Variants in CUBN observed in about 807,000 individuals in gnomAD.
CUBN encodes the protein cubilin, also known as 460 kDa receptor.
A neutral mutation model predicts 405.3 loss-of-function variants in CUBN; 282 were observed. The observed-to-expected ratio is 0.70, with a 90% CI of 0.63 to 0.77. The LOEUF is 0.77. CUBN is among the 30% of genes least tolerant of loss of function. The pLI, the probability that CUBN is intolerant of heterozygous loss-of-function variation, is 0.00. For synonymous variants in CUBN, 1,684 were observed against 1,617.0 expected (o/e 1.04, Z -0.99); for missense variants, 4,514 against 4,475.2 (o/e 1.01, Z -0.25).
chr10:16,895,072 T>C (rs543100800), intron 54 of CUBN, among the ~76,000 whole-genome samples: 1 of 152,278 alleles, frequency 6.6e-6, no homozygotes, highest in South Asian at 2.1e-4. Flanking sequence ...GTTACTTACA[T>C]TTTGGCCTGT....
At chr10:17,068,012 C>G (rs1169548797) in intron 21 of CUBN, 52 bp downstream of exon 21, 1 of 1,412,732 alleles carries the variant, frequency 7.1e-7, no homozygotes, top group Non-Finnish European at 1.0e-6. Context: ...TTCACTGAAG[C>G]AGGAAATCAG....
In CUBN at chr10:16,824,188, A is replaced by G. The variant is rs891789909; in HGVS notation, c.*787T>C. The G allele has an allele frequency of 5.3e-5, 8 of 152,196 alleles. No individual in the cohort carries two copies. Among genetic ancestry groups the G allele is most frequent in the African/African-American group, 1.9e-4 (8 of 41,420 alleles). The allele number at this position is 152,196 out of a possible 1,614,324, so 9.4% of individuals were successfully genotyped here. On this transcript the variant is annotated 3_prime_UTR_variant, in exon 67 of 67. Coordinates refer to ENST00000377833, the MANE Select transcript of CUBN (RefSeq NM_001081.4). ...CTGCTTCAACCTCCTGTGTAGCTGG[A>G]ACCACGGGTGCATGCCACCATGCCT...
chr10:16,853,095 AC>A (rs1379716051), intron 59 of CUBN, among the ~76,000 whole-genome samples: 25 of 152,252 alleles, frequency 1.6e-4, no homozygotes, highest in African/African-American at 4.8e-4. Flanking sequence ...ATACAAAAAA[AC>A]AATCCTCAGA....
chr10:17,073,111 C>T (rs955838294), intron 17 of CUBN, among the ~76,000 whole-genome samples: 5 of 151,992 alleles, frequency 3.3e-5, no homozygotes, highest in Admixed American at 2.6e-4. Flanking sequence ...TTTGTTAGAA[C>T]GCTGTTACCA....
rs1588645661 is a variant in CUBN at position 16,914,940 on chromosome 10, T to A, written c.7351+92A>T. ...CAAGAAAATAGGGGTCATGTTTTGT[T>A]TTGTTTTTCAAATATTTTAACACTG... On this transcript the variant is annotated intron_variant, in intron 47 of 66. Transcript: ENST00000377833. 3 of 1,180,512 alleles carry A rather than the reference T, an allele frequency of 2.5e-6. No homozygotes were observed. The East Asian group carries it at 7.5e-5, about 29-fold the overall frequency. The allele number at this position is 1,180,512 out of a possible 1,614,324, so 73.1% of individuals were successfully genotyped here.
Position 16,933,078 on chromosome 10 carries a change from T to C in CUBN, c.6124+9A>G, listed in dbSNP as rs370241555. The stretch of plus-strand genomic sequence containing the variant: ...GGTTGAAACTCAGCATTCTTTATAA[T>C]GTTCTCACCATCTCGTATCACAAGG... On this transcript the variant is annotated intron_variant, in intron 40 of 66. Coordinates refer to ENST00000377833, the MANE Select transcript of CUBN (RefSeq NM_001081.4). The C allele has an allele frequency of 1.9e-6, 3 of 1,613,050 alleles. No homozygotes were observed. The highest frequency in any genetic ancestry group is 1.7e-5 in the Admixed American group (1 of 60,002).
chr10:17,106,834 G>T (rs751957668), intron 10 of CUBN, among the ~76,000 whole-genome samples: 1 of 152,200 alleles, frequency 6.6e-6, no homozygotes, highest in Non-Finnish European at 1.5e-5. Context: ...CAGATTGCAT[G>T]CTGCCAGTTT....
At chr10:17,046,624 G>A (rs1835140073) in intron 23 of CUBN, among the ~76,000 whole-genome samples, 1 of 152,026 alleles carries the variant, frequency 6.6e-6, no homozygotes, top group South Asian at 2.1e-4. Context: ...CAACAAAAAA[G>A]GGATTTATTC....
chr10:16,918,638 C>T lies in CUBN; in HGVS notation c.6984G>A (p.Lys2328=), dbSNP rs753540166. The part of the protein sequence containing the change: ...SDNSPTHVGF[K]AKYSIAQCGG... The stretch of plus-strand genomic sequence containing the variant: ...AATTATTACCTATAGAATACTTGGC[C>T]TTGAATCCCACATGTGTGGGGCTGT... The change falls in exon 45 of 67, where the codon AAG becomes AAA. Residue 2328 remains lysine (K), a synonymous_variant. Transcript: ENST00000377833. 6.2e-7 allele frequency: 1 copy of T among 1,613,598 alleles called. No homozygotes were observed. Among genetic ancestry groups the T allele is most frequent in the African/African-American group, 1.3e-5 (1 of 74,910 alleles).
intron 22 of CUBN, among the ~76,000 whole-genome samples, chr10:17,050,805 T>C (rs187107361): frequency 1.3e-5 from 2 of 152,092 alleles, no homozygotes; most frequent in Non-Finnish European, 2.9e-5. Context: ...GCAGGAATCA[T>C]AGAAGTTGGA....
intron 6 of CUBN, among the ~76,000 whole-genome samples, chr10:17,117,390 T>C (rs1836929489): frequency 6.6e-6 from 1 of 152,168 alleles, no homozygotes; most frequent in Non-Finnish European, 1.5e-5. Context: ...TTTTGTTTTT[T>C]TTGAGATGGA....
At chr10:16,979,347 A>G (rs1833195568) in intron 31 of CUBN, among the ~76,000 whole-genome samples, 2 of 152,144 alleles carry the variant, frequency 1.3e-5, no homozygotes, top group Admixed American at 6.5e-5. Context: ...AAAACTCTAA[A>G]TTTCATGTGG....
chr10:16,914,806 A>G (rs1324632044), intron 47 of CUBN, among the ~76,000 whole-genome samples: 2 of 152,202 alleles, frequency 1.3e-5, no homozygotes, highest in Admixed American at 6.5e-5. Context: ...GCATTACAGT[A>G]TAACTCTCAT....
chr10:16,864,831 G>C (rs958431544), intron 59 of CUBN, among the ~76,000 whole-genome samples: 14 of 146,930 alleles, frequency 9.5e-5, no homozygotes, highest in African/African-American at 3.5e-4. Context: ...TGTATTTTTA[G>C]TAGAGACAGG....
At chr10:16,841,150 T>C (rs773892841) in intron 60 of CUBN, 103 bp from the exon 61 acceptor site, 2 of 923,406 alleles carry the variant, frequency 2.2e-6, no homozygotes, top group Non-Finnish European at 3.4e-6. Context: ...TAAACATTTT[T>C]ACATTGATTT....
chr10:16,947,873 G>T (rs570891271), intron 35 of CUBN, among the ~76,000 whole-genome samples: 2 of 152,162 alleles, frequency 1.3e-5, no homozygotes, highest in Non-Finnish European at 2.9e-5. Context: ...GTAGCTCCTC[G>T]TTCCTCTCCT....
rs776555961 is a variant in CUBN at position 16,840,381 on chromosome 10, C to T, written c.9981G>A (p.Leu3327=). ...AATTCTGCGTGCAGTCTTGCGAGGT[C>T]AGCTGTAATGCCCACACAGTTATCT... ...QVKITVWALQ[L]TSQDCTQNYL... Residue 3327 remains leucine, a synonymous_variant, in exon 62 of 67, where the codon CTG becomes CTA. Transcript: ENST00000377833. The T allele has an allele frequency of 1.1e-5, 18 of 1,614,102 alleles. 1 individual carries two copies. The East Asian group carries it at 3.8e-4, about 34-fold the overall frequency.
chr10:17,074,306 T>TGTG (rs1287143949), intron 17 of CUBN, among the ~76,000 whole-genome samples: 2 of 152,114 alleles, frequency 1.3e-5, no homozygotes, highest in Non-Finnish European at 2.9e-5. Context: ...ATTTGGGAAA[T>TGTG]GTGTGAGAGT....
intron 31 of CUBN, among the ~76,000 whole-genome samples, chr10:16,969,181 T>C (rs996063825): frequency 5.3e-5 from 8 of 152,220 alleles, no homozygotes; most frequent in Non-Finnish European, 8.8e-5. Flanking sequence ...TTCCCAATGG[T>C]GTCCTCTGAG....
Sources: gnomAD v4.1 joint callset for allele counts (sites outside exome capture counted in the v4.1 genomes callset) on GRCh38, gnomAD v4.1.1 for gene constraint, MANE v1.5 for transcripts, NCBI Gene and HGNC (gene_info 2026-07-23, HGNC 2026-07-21) for gene names.